Variants in ARHGEF11 observed in about 807,000 individuals in gnomAD.
ARHGEF11 encodes the protein Rho guanine nucleotide exchange factor 11.
ARHGEF11 carries 55 observed loss-of-function variants against 193.7 expected under a neutral mutation model. That is an observed-to-expected ratio of 0.28 (90% CI 0.23 to 0.36). ARHGEF11 has a LOEUF of 0.36. Among genes scored for constraint, ARHGEF11 ranks in the 10% least tolerant of loss-of-function variants. ARHGEF11 has a pLI of 1.00. For synonymous variants in ARHGEF11, 693 were observed against 768.0 expected, an observed-to-expected ratio of 0.90 and a Z score of 1.62; for missense variants, 1,723 against 2,005.6, an observed-to-expected ratio of 0.86 and a Z score of 2.69.
In ARHGEF11 at chr1:156,963,610, A is replaced by G; in HGVS notation, c.964-16T>C. On this transcript the variant is annotated splice_polypyrimidine_tract_variant and intron_variant, in intron 11 of 40. Transcript: ENST00000368194. ...GATCTACACCCTGGGGGAGAGAGTC[A>G]AATTGCAGAGATGAGAGGTTATAGA... is the stretch of plus-strand genomic sequence containing the variant. The G allele has an allele frequency of 6.2e-7, 1 of 1,612,354 alleles. No individual in the cohort carries two copies. The highest frequency in any genetic ancestry group is 1.1e-5 in the South Asian group (1 of 90,700).
chr1:156,978,279 C>A lies in ARHGEF11; in HGVS notation c.435G>T (p.Thr145=), dbSNP rs775265585. 6.2e-7 allele frequency: 1 copy of A among 1,613,898 alleles called. No individual in the cohort carries two copies. The highest frequency in any genetic ancestry group is 8.5e-7 in the Non-Finnish European group (1 of 1,179,986). The change falls in exon 6 of 41, where the codon ACG becomes ACT. Residue 145 remains threonine (T), a synonymous_variant. Coordinates refer to ENST00000368194, the MANE Select transcript of ARHGEF11 (RefSeq NM_198236.3). The part of the protein sequence containing the change: ...DPSPAGAPRI[T]SVIPSPPPPP... ...GAGGTGGTGGTGAGGGGATCACTGA[C>A]GTGATTCGGGGAGCTCCTGCTGGGG...
intron 22 of ARHGEF11, among the ~76,000 whole-genome samples, chr1:156,950,779 A>C (rs1244518174): frequency 6.6e-6 from 1 of 152,236 alleles, no homozygotes; most frequent in Non-Finnish European, 1.5e-5. Flanking sequence ...GCTTGACTGT[A>C]CACAAGCATT....
Position 156,971,757 on chromosome 1 carries a change from A to G in ARHGEF11, c.642T>C (p.Gly214=). The change falls in exon 8 of 41, where the codon GGT becomes GGC. Residue 214 remains glycine (G), a synonymous_variant. Transcript: ENST00000368194. The stretch of plus-strand genomic sequence containing the variant: ...GTAACTGAGTGACTCGCCGCCGGGC[A>G]CCTTCGATCTGCTCTTCCAGTAGGC... ...PASLLEEQIE[G]ARRRVTQLQL... The G allele has an allele frequency of 6.2e-7, 1 of 1,613,846 alleles. No individual in the cohort carries two copies.
Position 156,956,366 on chromosome 1 carries a change from T to C in ARHGEF11, c.1671+54A>G. 1.9e-6 allele frequency: 3 copies of C among 1,590,664 alleles called. No individual in the cohort carries two copies. In the South Asian group the frequency reaches 3.3e-5, roughly 18 times the overall value. ...CCTGAGCTCAGGCAATCACCCGCCT[T>C]GGCATTCCAAAGTACTAGGATTACA... On this transcript the variant is annotated intron_variant, in intron 19 of 40. Transcript: ENST00000368194.
chr1:156,941,302 A>G, intron 35 of ARHGEF11, 70 bp downstream of exon 35: 1 of 1,494,838 alleles, frequency 6.7e-7, no homozygotes, highest in Non-Finnish European at 9.3e-7. Context: ...TCGCCCCCAT[A>G]CTCACACCCA....
At chr1:156,950,636 T>C (rs1187412774) in intron 22 of ARHGEF11, among the ~76,000 whole-genome samples, 2 of 151,906 alleles carry the variant, frequency 1.3e-5, no homozygotes, top group South Asian at 2.1e-4. Context: ...AAAGATCCTG[T>C]CTCTTTAAAA....
At chr1:156,941,514 G>C (rs1656917194) in intron 34 of ARHGEF11, 81 bp from the exon 35 acceptor site, 1 of 1,470,394 alleles carries the variant, frequency 6.8e-7, no homozygotes, top group African/African-American at 1.4e-5. Context: ...AATGGAGTAG[G>C]ATCCGAGAAG....
chr1:156,958,991 G>T (rs1014565219), intron 16 of ARHGEF11, 55 bp downstream of exon 16: 2 of 1,610,138 alleles, frequency 1.2e-6, no homozygotes, highest in East Asian at 4.5e-5. Context: ...AGGAGCCAGG[G>T]CCAAGAGGCG....
At chr1:157,004,642 G>A (rs1461274709) in intron 1 of ARHGEF11, among the ~76,000 whole-genome samples, 1 of 152,110 alleles carries the variant, frequency 6.6e-6, no homozygotes, top group Non-Finnish European at 1.5e-5. Flanking sequence ...CCATTTCCAG[G>A]AAACTGAAGA....
intron 1 of ARHGEF11, among the ~76,000 whole-genome samples, chr1:157,039,808 A>G (rs1310728382): frequency 6.6e-6 from 1 of 152,226 alleles, no homozygotes; most frequent in African/African-American, 2.4e-5. Flanking sequence ...TTACGTTTAT[A>G]GAACTCAACA....
At chr1:157,039,678 C>A (rs915297174) in intron 1 of ARHGEF11, among the ~76,000 whole-genome samples, 2 of 151,942 alleles carry the variant, frequency 1.3e-5, no homozygotes, top group Non-Finnish European at 2.9e-5. Context: ...TTCCAAGCCA[C>A]GTGATATATC....
intron 1 of ARHGEF11, among the ~76,000 whole-genome samples, chr1:157,003,724 C>G (rs1667472170): frequency 6.6e-6 from 1 of 152,188 alleles, no homozygotes; most frequent in South Asian, 2.1e-4. Flanking sequence ...GCAGTGCAGA[C>G]AACTATTTAT....
At chr1:156,938,598 C>G (rs1656039436) in intron 37 of ARHGEF11, 85 bp from the exon 38 acceptor site, 1 of 1,345,386 alleles carries the variant, frequency 7.4e-7, no homozygotes, top group African/African-American at 1.4e-5. Context: ...GGAGAGAGGG[C>G]AGGAGGTGGG....
At chr1:156,971,849 G>A in intron 7 of ARHGEF11, 33 bp from the exon 8 acceptor site, 1 of 1,599,106 alleles carries the variant, frequency 6.3e-7, no homozygotes, top group Non-Finnish European at 8.5e-7. Flanking sequence ...AGGGGGAGGG[G>A]AAAAGGCAGA....
chr1:156,969,215 G>C, intron 10 of ARHGEF11, 67 bp downstream of exon 10: 2 of 1,357,848 alleles, frequency 1.5e-6, no homozygotes, highest in Non-Finnish European at 2.1e-6. Context: ...GTAGGCAGCA[G>C]AACTTGGGTC....
chr1:156,957,799 C>A lies in ARHGEF11; in HGVS notation c.1519G>T (p.Asp507Tyr), dbSNP rs767831796. Residue 507 changes from aspartate to tyrosine, a missense_variant, in exon 18 of 41, where the codon GAC (aspartate) becomes TAC (tyrosine). By Grantham distance (160) the Asp-to-Tyr change is radical (BLOSUM62 -3). Coordinates refer to ENST00000368194, the MANE Select transcript of ARHGEF11 (RefSeq NM_198236.3). ...LGDILSKYEE[D>Y]RSAPMDFALN... ...CATCATAGACTTGCTTACCTCCTGTCTTCCTCATACTTGGACCTGGAATGG... is the reference window on the plus strand; with the variant it reads ...CATCATAGACTTGCTTACCTCCTGTATTCCTCATACTTGGACCTGGAATGG... 6.2e-7 allele frequency: 1 copy of A among 1,614,178 alleles called. No homozygotes were observed. Among genetic ancestry groups the A allele is most frequent in the Non-Finnish European group, 8.5e-7 (1 of 1,180,004 alleles).
rs568606546 is a variant in ARHGEF11, at chr1:156,955,396, T to A, written c.1768+307A>T. 2.6e-5 allele frequency among the ~76,000 whole-genome samples: 4 copies of A among 152,264 alleles called. No homozygotes were observed. The East Asian group carries it at 7.7e-4, about 29-fold the overall frequency. On this transcript the variant is annotated intron_variant, in intron 20 of 40. Transcript: ENST00000368194. ...CCCTTGGATGAAGGTGAAGGGGGCA[T>A]TTTCTGTCCACAGGGCGATCCTTGC...
rs1487281843 is a variant in ARHGEF11, at chr1:156,948,502, G to C, written c.1926-4C>G. 2.5e-6 allele frequency: 4 copies of C among 1,614,184 alleles called. No homozygotes were observed. Among genetic ancestry groups the C allele is most frequent in the South Asian group, 1.1e-5 (1 of 91,080 alleles). The stretch of plus-strand genomic sequence containing the variant: ...CAGGCGAATCTCTGAGCGTGAACTG[G>C]GGGGAAGGGACAAAAGACTTTGGGA... On this transcript the variant is annotated splice_polypyrimidine_tract_variant and splice_region_variant and intron_variant, in intron 22 of 40. Transcript: ENST00000368194. This position sits in a 1 kb window ranked among gnomAD's most constrained non-coding sequence, Gnocchi z 4.2.
At chr1:157,034,216 C>A (rs1271758748) in intron 1 of ARHGEF11, among the ~76,000 whole-genome samples, 1 of 152,210 alleles carries the variant, frequency 6.6e-6, no homozygotes, top group African/African-American at 2.4e-5. Flanking sequence ...ACTACACTCT[C>A]TCCAGCCACC....
Sources: allele counts gnomAD v4.1 joint callset (sites outside exome capture counted in the v4.1 genomes callset), GRCh38; gene constraint gnomAD v4.1.1; non-coding constraint Gnocchi (gnomAD v3.1); transcripts MANE v1.5; gene names NCBI Gene and HGNC (gene_info 2026-07-23, HGNC 2026-07-21).